Variants in NCAM2 observed in about 807,000 individuals in gnomAD.
The protein encoded by NCAM2 is N-CAM-2.
NCAM2 carries 30 observed loss-of-function variants against 98.1 expected under a neutral mutation model. The ratio of observed to expected loss-of-function variants is 0.31; its 90% CI spans 0.23 to 0.41. The LOEUF is 0.41. NCAM2 is among the 10% of genes least tolerant of loss of function. NCAM2 has a pLI of 1.00. For synonymous variants in NCAM2, 368 were observed against 342.4 expected, an observed-to-expected ratio of 1.07 and a Z score of -0.83; for missense variants, 867 against 1,005.8, an observed-to-expected ratio of 0.86 and a Z score of 1.87.
intron 5 of NCAM2, among the ~76,000 whole-genome samples, chr21:21,313,938 G>A (rs1189667478): frequency 6.6e-6 from 1 of 152,012 alleles, no homozygotes; most frequent in African/African-American, 2.4e-5. Context: ...AATGTAGAAA[G>A]TATAGCATCA....
intron 1 of NCAM2, among the ~76,000 whole-genome samples, chr21:21,158,467 T>C (rs554732881): frequency 6.6e-5 from 10 of 151,950 alleles, no homozygotes; most frequent in Admixed American, 6.6e-4. Context: ...AAAAATTAGC[T>C]GGGCGTTGTG....
chr21:21,098,043 C>G lies in NCAM2; in HGVS notation c.55+99425C>G, dbSNP rs190178665. Among the ~76,000 whole-genome samples, 226 of 43,944 alleles carry G rather than the reference C, an allele frequency of 5.1e-3. 1 individual carries two copies. The highest frequency in any genetic ancestry group is 9.8e-3 in the African/African-American group (217 of 22,048). The allele number at this position is 43,944 out of a possible 152,430, so 28.8% of individuals were successfully genotyped here. A position where few individuals can be genotyped will look rare whatever the true frequency, so the allele number is the denominator to read the frequency against. On this transcript the variant is annotated intron_variant, in intron 1 of 17. Coordinates refer to ENST00000400546, the MANE Select transcript of NCAM2 (RefSeq NM_004540.5). ...GAAAAGAATTTAGCTAGTCGAATAT[C>G]TCTTTCAGATAGGCACATCTGAGAA...
chr21:21,500,538 T>C (rs1987558938), intron 15 of NCAM2, among the ~76,000 whole-genome samples: 1 of 122,048 alleles, frequency 8.2e-6, no homozygotes, highest in African/African-American at 2.6e-5. Flanking sequence ...ATTTTCATTT[T>C]CCTTTTTTTC....
intron 1 of NCAM2, among the ~76,000 whole-genome samples, chr21:21,031,964 G>T (rs577264214): frequency 2.6e-5 from 4 of 152,264 alleles, no homozygotes; most frequent in African/African-American, 9.6e-5. Flanking sequence ...GATCTTAACA[G>T]GGAGCATGCT....
chr21:21,497,875 A>G (rs1178226833), intron 15 of NCAM2, among the ~76,000 whole-genome samples: 1 of 152,162 alleles, frequency 6.6e-6, no homozygotes, highest in Non-Finnish European at 1.5e-5. Flanking sequence ...ATAAATAAGC[A>G]TTAGCCTTTT....
intron 1 of NCAM2, among the ~76,000 whole-genome samples, chr21:21,146,546 G>GATATATATAT (rs201917811): frequency 0.039 from 1,975 of 50,100 alleles, 34 homozygotes; most frequent in Admixed American, 0.079. Context: ...ATACTTACAG[G>GATATATATAT]ATATATATAT....
chr21:21,526,612 T>C (rs1011695735), intron 16 of NCAM2, among the ~76,000 whole-genome samples: 4 of 152,074 alleles, frequency 2.6e-5, no homozygotes, highest in Admixed American at 6.6e-5. Flanking sequence ...TATATGAATA[T>C]TGACAAATTG....
chr21:21,060,812 G>T (rs751095906), intron 1 of NCAM2, among the ~76,000 whole-genome samples: 9 of 152,008 alleles, frequency 5.9e-5, no homozygotes, highest in Non-Finnish European at 1.3e-4. Flanking sequence ...TGGAAGAAGT[G>T]GAAGATTTAA....
chr21:21,522,843 G>T (rs1350098360), intron 16 of NCAM2, among the ~76,000 whole-genome samples: 1 of 151,762 alleles, frequency 6.6e-6, no homozygotes, highest in Non-Finnish European at 1.5e-5. Context: ...TGCTGGCCAG[G>T]CGTGTCTGAA....
chr21:21,380,185 C>A (rs2076122839), intron 9 of NCAM2, among the ~76,000 whole-genome samples: 1 of 152,160 alleles, frequency 6.6e-6, no homozygotes, highest in Admixed American at 6.5e-5. Context: ...TCAATCCAGT[C>A]AAGTTGACCT....
chr21:21,233,517 T>C (rs1269478932), intron 1 of NCAM2, among the ~76,000 whole-genome samples: 8 of 151,736 alleles, frequency 5.3e-5, no homozygotes, highest in Non-Finnish European at 8.9e-5. Context: ...AAATTAATTA[T>C]TGAAATGATC....
chr21:21,128,947 A>T (rs911075964), intron 1 of NCAM2, among the ~76,000 whole-genome samples: 11 of 152,196 alleles, frequency 7.2e-5, no homozygotes, highest in Admixed American at 1.3e-4. Flanking sequence ...CCAATGTAAA[A>T]ACATCCAAAG....
At chr21:21,441,096 A>G (rs1230664249) in intron 12 of NCAM2, among the ~76,000 whole-genome samples, 2 of 152,166 alleles carry the variant, frequency 1.3e-5, no homozygotes, top group African/African-American at 4.8e-5. Flanking sequence ...CAATTTGTAG[A>G]TTTTTAAATT....
intron 12 of NCAM2, among the ~76,000 whole-genome samples, chr21:21,441,232 A>G (rs1316552232): frequency 6.6e-6 from 1 of 152,170 alleles, no homozygotes; most frequent in Non-Finnish European, 1.5e-5. Context: ...TTATTATTTT[A>G]CGAAGCATGG....
chr21:21,137,450 A>G (rs576883353), intron 1 of NCAM2, among the ~76,000 whole-genome samples: 3 of 152,276 alleles, frequency 2.0e-5, no homozygotes, highest in African/African-American at 7.2e-5. Flanking sequence ...TGATTTATAA[A>G]AAATGTTGGC....
chr21:21,402,959 A>G (rs1355143600), intron 9 of NCAM2, among the ~76,000 whole-genome samples: 1 of 152,174 alleles, frequency 6.6e-6, no homozygotes, highest in East Asian at 1.9e-4. Flanking sequence ...ATCCTTGACA[A>G]TAATTACCTT....
intron 1 of NCAM2, among the ~76,000 whole-genome samples, chr21:21,174,265 A>G (rs905497063): frequency 1.3e-5 from 2 of 152,110 alleles, no homozygotes; most frequent in African/African-American, 4.8e-5. Flanking sequence ...ATTCCTTTGC[A>G]TGGATCATAT....
At chr21:21,045,268 CAAAT>C (rs889409826) in intron 1 of NCAM2, among the ~76,000 whole-genome samples, 3 of 151,972 alleles carry the variant, frequency 2.0e-5, no homozygotes, top group Non-Finnish European at 2.9e-5. Flanking sequence ...ACAGACAAGG[CAAAT>C]AAATAAATAA....
At chr21:21,467,350 T>C (rs1349162805) in intron 13 of NCAM2, among the ~76,000 whole-genome samples, 1 of 148,802 alleles carries the variant, frequency 6.7e-6, no homozygotes, top group Admixed American at 6.8e-5. Context: ...GTTATAAAAA[T>C]CTATGCGTAA....
Sources: allele counts gnomAD v4.1 joint callset (sites outside exome capture counted in the v4.1 genomes callset), GRCh38; gene constraint gnomAD v4.1.1; transcripts MANE v1.5; gene names NCBI Gene and HGNC (gene_info 2026-07-23, HGNC 2026-07-21).